The following HAGH variants were observed in gnomAD, a reference collection of about 807,000 sequenced individuals.
HAGH encodes hydroxyacylglutathione hydrolase.
Under a neutral mutation model 35.1 loss-of-function variants are expected in HAGH, and 29 were observed. The ratio of observed to expected loss-of-function variants is 0.83; its 90% CI spans 0.62 to 1.13. The LOEUF (loss-of-function observed/expected upper bound fraction) is 1.13. HAGH is among the 50% of genes most tolerant of loss of function. HAGH has a pLI of 0.00. For missense variants in HAGH, 478 were observed against 419.6 expected (o/e 1.14, Z -1.22); for synonymous variants, 225 against 176.1 (o/e 1.28, Z -2.20).
Position 1,809,164 on chromosome 16 carries a change from C to G in HAGH, c.*119G>C. The G allele has an allele frequency of 1.4e-6, 1 of 690,344 alleles. No homozygotes were observed. The highest frequency in any genetic ancestry group is 2.5e-5 in the East Asian group (1 of 39,568). 42.8% of individuals were successfully genotyped at this position (690,344 alleles called of 1,614,324 possible). A position where few individuals can be genotyped will look rare whatever the true frequency, so the allele number is the denominator to read the frequency against. ...ATATGCATTAGAATGTCCGATAACACAAGCCAAGGGCTGTAAAATTAAGGT... is the reference window on the plus strand; with the variant it reads ...ATATGCATTAGAATGTCCGATAACAGAAGCCAAGGGCTGTAAAATTAAGGT... On this transcript the variant is annotated 3_prime_UTR_variant, in exon 9 of 9. Coordinates refer to ENST00000397356, the MANE Select transcript of HAGH (RefSeq NM_005326.6).
In HAGH at chr16:1,822,503, T is replaced by C. The variant is rs545637085; in HGVS notation, c.250-139A>G. On this transcript the variant is annotated intron_variant, in intron 2 of 8. Transcript: ENST00000397356. ...ATGGCCCGTCCTGACCCTGCCAGCT[T>C]GCCCTGCTCCAGGAGAGCCAGTGAA... 88 of 729,412 alleles carry C rather than the reference T, an allele frequency of 1.2e-4. 1 individual carries two copies. In the South Asian group the frequency reaches 1.3e-3, roughly 10 times the overall value. 45.2% of individuals were successfully genotyped at this position (729,412 alleles called of 1,614,324 possible).
In HAGH at chr16:1,819,610, C is replaced by T. The variant is rs139084819; in HGVS notation, c.432+287G>A. On this transcript the variant is annotated intron_variant, in intron 4 of 8. Transcript: ENST00000397356. ...CCCTCAAAAAGGCTGAAGACACCCT[C>T]GCAGGGCCCTCCCACCTGTGTGCTG... 6.3e-4 allele frequency among the ~76,000 whole-genome samples: 96 copies of T among 152,360 alleles called. 1 individual carries two copies. Among genetic ancestry groups the T allele is most frequent in the African/African-American group, 2.1e-3 (87 of 41,594 alleles).
At chr16:1,813,833 C>A (rs1406684127) in intron 7 of HAGH, among the ~76,000 whole-genome samples, 1 of 152,202 alleles carries the variant, frequency 6.6e-6, no homozygotes, top group Non-Finnish European at 1.5e-5. Context: ...AGGTGCTGTC[C>A]TCGGACACCG....
Position 1,822,282 on chromosome 16 carries a change from G to A in HAGH, c.314+18C>T. 1.3e-6 allele frequency: 2 copies of A among 1,574,838 alleles called. No individual in the cohort carries two copies. Among genetic ancestry groups the A allele is most frequent in the Non-Finnish European group, 1.7e-6 (2 of 1,145,062 alleles). On this transcript the variant is annotated intron_variant, in intron 3 of 8. Coordinates refer to ENST00000397356, the MANE Select transcript of HAGH (RefSeq NM_005326.6). ...AGTGAGCCAGGTCCCACACCCCCAGGTGAGACGCGGCACTTACCAGTGGTG... is the reference window on the plus strand; with the variant it reads ...AGTGAGCCAGGTCCCACACCCCCAGATGAGACGCGGCACTTACCAGTGGTG...
At chr16:1,810,710 G>C (rs1285401965) in intron 7 of HAGH, 2 of 152,440 alleles carry the variant, frequency 1.3e-5, no homozygotes, top group East Asian at 3.8e-4. Flanking sequence ...TCAGGGCAGA[G>C]CTCTGACAGA....
At chr16:1,811,192 T>C (rs543808912) in intron 7 of HAGH, among the ~76,000 whole-genome samples, 21 of 152,252 alleles carry the variant, frequency 1.4e-4, no homozygotes, top group African/African-American at 3.9e-4. Flanking sequence ...GGTGGGTGGA[T>C]TGCCTGAACT....
At chr16:1,819,794 C>A in intron 4 of HAGH, 103 bp downstream of exon 4, 1 of 770,284 alleles carries the variant, frequency 1.3e-6, no homozygotes. Flanking sequence ...AGAGCACTCC[C>A]GGGTCACTGG....
chr16:1,823,275 C>CT (rs4017982), intron 1 of HAGH, among the ~76,000 whole-genome samples: 64 of 141,698 alleles, frequency 4.5e-4, no homozygotes, highest in African/African-American at 5.7e-4. Flanking sequence ...TTTTTTTTTT[C>CT]TTTTTTTTTT....
At position 1,808,945 on chromosome 16, in the gene HAGH, G is replaced by C. The variant is rs1226634935; in HGVS notation, c.*338C>G. On this transcript the variant is annotated 3_prime_UTR_variant, in exon 9 of 9. Coordinates refer to ENST00000397356, the MANE Select transcript of HAGH (RefSeq NM_005326.6). ...ACCGACCGCAGCAGTGGGCCTGACA[G>C]TCCCATCAGCACCCAGCCAAGGCCA... is the stretch of plus-strand genomic sequence containing the variant. The C allele has an allele frequency of 4.3e-5, 12 of 279,660 alleles. No homozygotes were observed. The highest frequency in any genetic ancestry group is 8.1e-5 in the Non-Finnish European group (12 of 147,994). The allele number at this position is 279,660 out of a possible 1,614,324, so 17.3% of individuals were successfully genotyped here.
At chr16:1,826,409 C>T (rs1898421322) in intron 1 of HAGH, 4 of 314,632 alleles carry the variant, frequency 1.3e-5, no homozygotes, top group Non-Finnish European at 1.8e-5. Context: ...TCCTCGGCGC[C>T]GGCCCGGGCA....
intron 1 of HAGH, among the ~76,000 whole-genome samples, chr16:1,823,463 T>C (rs1173685020): frequency 6.6e-6 from 1 of 151,588 alleles, no homozygotes; most frequent in Admixed American, 6.6e-5. Flanking sequence ...AGAGACGGGT[T>C]TCATGGTGTT....
At chr16:1,819,743 T>C (rs1898059103) in intron 4 of HAGH, 154 bp downstream of exon 4, 2 of 657,724 alleles carry the variant, frequency 3.0e-6, no homozygotes, top group Non-Finnish European at 2.7e-6. Context: ...TCCTTGTGCC[T>C]AGACAGAGAA....
At chr16:1,822,063 G>A (rs1596937700) in intron 3 of HAGH, 2 of 531,330 alleles carry the variant, frequency 3.8e-6, no homozygotes, top group East Asian at 5.8e-5. Flanking sequence ...CGGGGGGTGG[G>A]GCCTGAGGGT....
intron 7 of HAGH, among the ~76,000 whole-genome samples, chr16:1,811,169 T>A (rs914492997): frequency 6.6e-6 from 1 of 152,200 alleles, no homozygotes; most frequent in Non-Finnish European, 1.5e-5. Flanking sequence ...ATCCTAACAC[T>A]TTGGGAGGCC....
chr16:1,824,059 G>A (rs1042151455), intron 1 of HAGH, among the ~76,000 whole-genome samples: 1 of 152,024 alleles, frequency 6.6e-6, no homozygotes, highest in Non-Finnish European at 1.5e-5. Flanking sequence ...GCGAGCCTGC[G>A]TTCCATGCAG....
intron 7 of HAGH, among the ~76,000 whole-genome samples, chr16:1,811,221 C>A (rs1897633622): frequency 6.6e-6 from 1 of 152,132 alleles, no homozygotes; most frequent in African/African-American, 2.4e-5. Context: ...CGAGACCAGC[C>A]TGGGCAACAC....
chr16:1,819,200 G>A lies in HAGH; in HGVS notation c.456C>T (p.Cys152=). Residue 152 remains cysteine (C), a synonymous_variant, in exon 5 of 9, where the codon TGC becomes TGT. Transcript: ENST00000397356. The stretch of plus-strand genomic sequence containing the variant: ...CTGAAGTGTGGCACGGGGTCGCCAG[G>A]CACTTGACGTTCAGAGACCCCACCT... The part of the protein sequence containing the change: ...TLQVGSLNVK[C]LATPCHTSGH... The A allele has an allele frequency of 6.2e-7, 1 of 1,611,800 alleles. No homozygotes were observed. Among genetic ancestry groups the A allele is most frequent in the Non-Finnish European group, 8.5e-7 (1 of 1,178,782 alleles).
rs1010771974 is a variant in HAGH, at chr16:1,826,776, G to A, written c.12C>T (p.Gly4=). The A allele has an allele frequency of 3.3e-6, 4 of 1,213,958 alleles. No homozygotes were observed. Among genetic ancestry groups the A allele is most frequent in the East Asian group, 3.3e-5 (1 of 30,342 alleles). The allele number at this position is 1,213,958 out of a possible 1,614,324, so 75.2% of individuals were successfully genotyped here. ...GGCTGCGGCGGCCGAGCAGCCCTCG[G>A]CCCACCACCATGACCCGGGCCGGGC... The part of the protein sequence containing the change: MVV[G]RGLLGRRSLA... Residue 4 remains glycine (G), a synonymous_variant, in exon 1 of 9, where the codon GGC becomes GGT. Transcript: ENST00000397356.
At position 1,822,349 on chromosome 16, in the gene HAGH, T is replaced by G. The variant is rs1467378626; in HGVS notation, c.265A>C (p.Arg89=). 1.2e-6 allele frequency: 2 copies of G among 1,611,608 alleles called. No homozygotes were observed. The highest frequency in any genetic ancestry group is 1.1e-5 in the South Asian group (1 of 91,052). ...GTGGTCAGTTTCACCCCGTGCTTTC[T>G]CGCCGCGTCCACGACCTGCAGTGGC... is the stretch of plus-strand genomic sequence containing the variant. ...VQPQKVVDAA[R]KHGVKLTTVL... The change falls in exon 3 of 9, where the codon AGA becomes CGA. Residue 89 remains arginine (R), a synonymous_variant. Coordinates refer to ENST00000397356, the MANE Select transcript of HAGH (RefSeq NM_005326.6).
Sources: gnomAD v4.1 joint callset for allele counts (sites outside exome capture counted in the v4.1 genomes callset) on GRCh38, gnomAD v4.1.1 for gene constraint, MANE v1.5 for transcripts, NCBI Gene and HGNC (gene_info 2026-07-23, HGNC 2026-07-21) for gene names.